LMO1: variants seen among roughly 807,000 people sequenced by gnomAD.
The protein encoded by LMO1 is rhombotin-1.
LMO1 carries 10 observed loss-of-function variants against 18.0 expected under a neutral mutation model. The ratio of observed to expected loss-of-function variants is 0.55; its 90% confidence interval spans 0.34 to 0.94. The LOEUF (loss-of-function observed/expected upper bound fraction) is 0.94. Among genes scored for constraint, LMO1 ranks in the 40% least tolerant of loss-of-function variants. The pLI is 0.02. For synonymous variants in LMO1, 77 were observed against 77.9 expected, an observed-to-expected ratio of 0.99 and a Z score of 0.06; for missense variants, 183 against 205.7, an observed-to-expected ratio of 0.89 and a Z score of 0.68.
chr11:8,244,865 C>T (rs1382571033), intron 1 of LMO1, among the ~76,000 whole-genome samples: 1 of 152,204 alleles, frequency 6.6e-6, no homozygotes, highest in Non-Finnish European at 1.5e-5. Flanking sequence ...CCACCTTCTG[C>T]TCACCTTCCT....
In LMO1 at chr11:8,263,543, G is replaced by C. The variant is rs1312628988; in HGVS notation, c.-181C>G. ...ACATTCAGGAGTGAAGCACTTCGCA[G>C]ATACAAAAGCAGTCTCACCTACTTT... On this transcript the variant is annotated 5_prime_UTR_variant, in exon 1 of 4. In the 5' UTR this introduces an upstream ATG that the reference lacks. Coordinates refer to ENST00000335790, the MANE Select transcript of LMO1 (RefSeq NM_002315.3). The C allele has an allele frequency of 7.3e-7, 1 of 1,367,662 alleles. No individual in the cohort carries two copies. Among genetic ancestry groups the C allele is most frequent in the Non-Finnish European group, 9.4e-7 (1 of 1,062,476 alleles). 84.7% of individuals were successfully genotyped at this position (1,367,662 alleles called of 1,614,324 possible). A position where few individuals can be genotyped will look rare whatever the true frequency, so the allele number is the denominator to read the frequency against.
chr11:8,234,444 C>A (rs1234795365), intron 1 of LMO1, among the ~76,000 whole-genome samples: 1 of 152,148 alleles, frequency 6.6e-6, no homozygotes, highest in African/African-American at 2.4e-5. Context: ...CCACCTGTCC[C>A]AGCCCAGCTG....
At chr11:8,235,327 T>G (rs1334462893) in intron 1 of LMO1, among the ~76,000 whole-genome samples, 1 of 152,244 alleles carries the variant, frequency 6.6e-6, no homozygotes, top group African/African-American at 2.4e-5. Context: ...TCTTTCTACC[T>G]ACTTCTACCT....
chr11:8,240,630 T>A (rs1201775830), intron 1 of LMO1, among the ~76,000 whole-genome samples: 1 of 152,018 alleles, frequency 6.6e-6, no homozygotes, highest in Non-Finnish European at 1.5e-5. Context: ...TCTTGCTGCA[T>A]CCTCACGTGG....
chr11:8,256,864 T>A (rs1299694309), intron 1 of LMO1, among the ~76,000 whole-genome samples: 2 of 152,194 alleles, frequency 1.3e-5, no homozygotes, highest in Admixed American at 1.3e-4. Flanking sequence ...AAAGCAGCAG[T>A]AGGCCTCAGG....
chr11:8,227,422 G>T (rs911232920), intron 2 of LMO1, among the ~76,000 whole-genome samples: 2 of 152,202 alleles, frequency 1.3e-5, no homozygotes, highest in African/African-American at 4.8e-5. Context: ...CCTAGGCTGG[G>T]CCCTGAGCAA....
At chr11:8,247,138 C>T (rs1371432209) in intron 1 of LMO1, among the ~76,000 whole-genome samples, 5 of 152,244 alleles carry the variant, frequency 3.3e-5, no homozygotes, top group African/African-American at 9.6e-5. Flanking sequence ...GCCCTACCTG[C>T]AAACTGAGCA....
intron 1 of LMO1, among the ~76,000 whole-genome samples, chr11:8,255,001 T>G (rs1482393389): frequency 1.3e-5 from 2 of 152,188 alleles, no homozygotes; most frequent in Non-Finnish European, 2.9e-5. Context: ...TGGAAGATGC[T>G]TGGTGGACTG....
intron 2 of LMO1, among the ~76,000 whole-genome samples, chr11:8,229,670 T>C (rs914403275): frequency 1.3e-5 from 2 of 152,178 alleles, no homozygotes; most frequent in African/African-American, 4.8e-5. Context: ...GAAGCATCAT[T>C]CTTTCACCCT....
chr11:8,251,688 AGT>A (rs1243377923), intron 1 of LMO1, among the ~76,000 whole-genome samples: 1 of 150,030 alleles, frequency 6.7e-6, no homozygotes, highest in Non-Finnish European at 1.5e-5. Context: ...AGAGAGAGAG[AGT>A]GCATGTGTCT....
chr11:8,249,751 G>T (rs146318620), intron 1 of LMO1, among the ~76,000 whole-genome samples: 93 of 152,202 alleles, frequency 6.1e-4, no homozygotes, highest in African/African-American at 1.9e-3. Context: ...CTGCAGTCTT[G>T]AACTTGGGGT....
chr11:8,267,648 A>G (rs187105200), upstream of LMO1, among the ~76,000 whole-genome samples: 69 of 152,344 alleles, frequency 4.5e-4, no homozygotes, highest in African/African-American at 1.5e-3. Flanking sequence ...GCTCTTTAAG[A>G]AAAGGACTAC....
At chr11:8,263,893 T>A, upstream of LMO1, 1 of 1,031,522 alleles carries the variant, frequency 9.7e-7, no homozygotes, top group Non-Finnish European at 1.2e-6. Flanking sequence ...TTTGCACTCC[T>A]GCTACTGCAT....
intron 1 of LMO1, among the ~76,000 whole-genome samples, chr11:8,248,643 G>A (rs997294363): frequency 1.3e-4 from 20 of 152,346 alleles, no homozygotes; most frequent in Non-Finnish European, 2.8e-4. Context: ...GGTAAGGGTA[G>A]GGAGACCGTG....
chr11:8,254,784 G>T (rs769150535), intron 1 of LMO1, among the ~76,000 whole-genome samples: 14 of 152,204 alleles, frequency 9.2e-5, no homozygotes, highest in Non-Finnish European at 1.8e-4. Context: ...CTGACAGCTG[G>T]AAAAGGGAGC....
chr11:8,247,415 C>A (rs1260353096), intron 1 of LMO1, among the ~76,000 whole-genome samples: 3 of 152,152 alleles, frequency 2.0e-5, no homozygotes, highest in Non-Finnish European at 4.4e-5. Flanking sequence ...GAGCACCATG[C>A]CCAGACTAGG....
chr11:8,267,019 C>T (rs1171077108), upstream of LMO1, among the ~76,000 whole-genome samples: 1 of 152,236 alleles, frequency 6.6e-6, no homozygotes, highest in African/African-American at 2.4e-5. Context: ...TACACAAAAG[C>T]AGCCAATGCA....
At chr11:8,230,209 G>T in intron 2 of LMO1, 82 bp downstream of exon 2, 1 of 1,279,942 alleles carries the variant, frequency 7.8e-7, no homozygotes, top group Non-Finnish European at 1.1e-6. Flanking sequence ...TCTAGGGCCG[G>T]GGGCACAGTC....
Position 8,224,516 on chromosome 11 carries a change from C to G in LMO1, c.*100G>C. ...GAGAAGTTCTAATGTGGCAGGAGAGCGGCTGGCCAGCCTGCACTGGTAGAG... is the reference window on the plus strand; with the variant it reads ...GAGAAGTTCTAATGTGGCAGGAGAGGGGCTGGCCAGCCTGCACTGGTAGAG... On this transcript the variant is annotated 3_prime_UTR_variant, in exon 4 of 4. Coordinates refer to ENST00000335790, the MANE Select transcript of LMO1 (RefSeq NM_002315.3). 1 of 682,526 alleles carries G rather than the reference C, an allele frequency of 1.5e-6. No individual in the cohort carries two copies. The highest frequency in any genetic ancestry group is 2.6e-6 in the Non-Finnish European group (1 of 390,578). 42.3% of individuals were successfully genotyped at this position (682,526 alleles called of 1,614,324 possible). A position where few individuals can be genotyped will look rare whatever the true frequency, so the allele number is the denominator to read the frequency against.
Sources: gnomAD v4.1 joint callset for allele counts (sites outside exome capture counted in the v4.1 genomes callset) on GRCh38, gnomAD v4.1.1 for gene constraint, MANE v1.5 for transcripts, NCBI Gene and HGNC (gene_info 2026-07-23, HGNC 2026-07-21) for gene names.